Variants in CFHR4 observed in about 807,000 individuals in gnomAD.
The protein encoded by CFHR4 is complement factor H-related protein 4.
Under a neutral mutation model 69.3 loss-of-function variants are expected in CFHR4, and 64 were observed. The ratio of observed to expected loss-of-function variants is 0.92; its 90% confidence interval spans 0.76 to 1.14. CFHR4 has a LOEUF of 1.14. CFHR4 is among the 50% of genes most tolerant of loss of function. The pLI, the probability that CFHR4 is intolerant of heterozygous loss-of-function variation, is 0.00. For synonymous variants in CFHR4, 244 were observed against 237.0 expected, an observed-to-expected ratio of 1.03 and a Z score of -0.27; for missense variants, 636 against 684.9, an observed-to-expected ratio of 0.93 and a Z score of 0.80.
intron 1 of CFHR4, among the ~76,000 whole-genome samples, chr1:196,889,764 G>C (rs1656919474): frequency 6.8e-6 from 1 of 146,888 alleles, no homozygotes; most frequent in Non-Finnish European, 1.5e-5. Flanking sequence ...GAATGTGACT[G>C]CATTTGAAGA....
At chr1:196,914,890 G>A (rs1331886780) in intron 8 of CFHR4, 66 bp from the exon 9 acceptor site, 2 of 1,547,508 alleles carry the variant, frequency 1.3e-6, no homozygotes, top group African/African-American at 2.8e-5. Flanking sequence ...TATATAAAAA[G>A]CTTTATTTAG....
Position 196,914,489 on chromosome 1 carries a change from T to C in CFHR4, c.1181-6T>C. The C allele has an allele frequency of 6.2e-7, 1 of 1,604,394 alleles. No homozygotes were observed. Among genetic ancestry groups the C allele is most frequent in the Admixed American group, 1.7e-5 (1 of 58,810 alleles). ...AAAAGCAATCCTCAATTTTATTTTG[T>C]TTCAGAATTTTGTGATATGCCTGTT... On this transcript the variant is annotated splice_region_variant and splice_polypyrimidine_tract_variant and intron_variant, in intron 7 of 9. Coordinates refer to ENST00000608469, the MANE Select transcript of CFHR4 (RefSeq NM_001201550.3).
intron 9 of CFHR4, among the ~76,000 whole-genome samples, chr1:196,916,369 T>G (rs1056882727): frequency 2.6e-5 from 4 of 151,962 alleles, no homozygotes; most frequent in African/African-American, 9.7e-5. Flanking sequence ...CATGAGTTTT[T>G]CAAGTGCTCA....
intron 1 of CFHR4, among the ~76,000 whole-genome samples, chr1:196,899,646 T>G (rs1458039644): frequency 1.3e-5 from 2 of 151,552 alleles, no homozygotes; most frequent in Non-Finnish European, 1.5e-5. Flanking sequence ...GAAACCAATT[T>G]CACTGTGCAT....
chr1:196,918,595 T>G lies in CFHR4; in HGVS notation c.*189T>G, dbSNP rs1658793665. On this transcript the variant is annotated 3_prime_UTR_variant, in exon 10 of 10. Coordinates refer to ENST00000608469, the MANE Select transcript of CFHR4 (RefSeq NM_001201550.3). Reference sequence around the variant, plus strand: ...TTAAAACAAACTAAATTATTGCTTATGCTTGTACTAAAATAATAAAAACTA... The same window carrying G: ...TTAAAACAAACTAAATTATTGCTTAGGCTTGTACTAAAATAATAAAAACTA... 1.7e-6 allele frequency: 1 copy of G among 575,182 alleles called. No individual in the cohort carries two copies. Among genetic ancestry groups the G allele is most frequent in the Admixed American group, 3.2e-5 (1 of 31,304 alleles). 35.6% of individuals were successfully genotyped at this position (575,182 alleles called of 1,614,324 possible).
At chr1:196,907,839 G>A (rs911073332) in intron 5 of CFHR4, among the ~76,000 whole-genome samples, 2 of 151,150 alleles carry the variant, frequency 1.3e-5, no homozygotes, top group African/African-American at 2.4e-5. Flanking sequence ...TAATACTTAG[G>A]TAAACAGTTT....
chr1:196,888,273 T>C (rs1656833642), intron 1 of CFHR4, 65 bp downstream of exon 1: 1 of 1,485,938 alleles, frequency 6.7e-7, no homozygotes, highest in African/African-American at 1.4e-5. Context: ...AATATCTAAC[T>C]TCATATGTCT....
intron 7 of CFHR4, 87 bp downstream of exon 7, chr1:196,913,009 A>C (rs1481934199): frequency 2.2e-5 from 35 of 1,596,984 alleles, no homozygotes; most frequent in Middle Eastern, 1.7e-4. Context: ...AATATAGAAA[A>C]CACTTTTAGG....
chr1:196,901,362 A>G (rs1437056775), intron 1 of CFHR4, among the ~76,000 whole-genome samples: 1 of 151,472 alleles, frequency 6.6e-6, no homozygotes, highest in Non-Finnish European at 1.5e-5. Flanking sequence ...TACTTAAGAG[A>G]TGCAAGAATT....
At chr1:196,898,221 G>A (rs1657414135) in intron 1 of CFHR4, among the ~76,000 whole-genome samples, 1 of 151,494 alleles carries the variant, frequency 6.6e-6, no homozygotes, top group Non-Finnish European at 1.5e-5. Context: ...TCATATGTGA[G>A]TTTATAGATG....
At chr1:196,908,252 T>C (rs1396077256) in intron 5 of CFHR4, among the ~76,000 whole-genome samples, 1 of 151,180 alleles carries the variant, frequency 6.6e-6, no homozygotes, top group Non-Finnish European at 1.5e-5. Flanking sequence ...GCACATGTAT[T>C]CCTATGTAAA....
At chr1:196,912,628 T>C in intron 6 of CFHR4, 112 bp from the exon 7 acceptor site, 2 of 1,236,752 alleles carry the variant, frequency 1.6e-6, no homozygotes, top group South Asian at 1.7e-5. Flanking sequence ...TGTTTTCAAT[T>C]CATTAACAAA....
At chr1:196,912,061 A>G (rs1265945159) in intron 6 of CFHR4, among the ~76,000 whole-genome samples, 2 of 151,418 alleles carry the variant, frequency 1.3e-5, no homozygotes, top group Non-Finnish European at 2.9e-5. Context: ...AAACATATAC[A>G]TTACTAAAAT....
rs1244096578 is a variant in CFHR4, at chr1:196,902,931, C to T, written c.256+316C>T. On this transcript the variant is annotated intron_variant, in intron 2 of 9. Transcript: ENST00000608469. ...CTTTAGTTTTTCTTGAGTCATACAT[C>T]ATTTTCAGTATTGATGCAGTCTTAT... 2.6e-5 allele frequency among the ~76,000 whole-genome samples: 4 copies of T among 151,456 alleles called. 1 individual carries two copies. Among genetic ancestry groups the T allele is most frequent in the African/African-American group, 7.3e-5 (3 of 41,048 alleles).
rs116119247 is a variant in CFHR4, at chr1:196,907,398, G to A, written c.699G>A (p.Trp233Ter). The change falls in exon 5 of 10, where the codon TGG (tryptophan) becomes TGA (stop). Residue 233 changes from tryptophan to a stop codon, truncating the protein, a stop_gained. Coordinates refer to ENST00000608469, the MANE Select transcript of CFHR4 (RefSeq NM_001201550.3). LOFTEE classifies it high-confidence loss of function. ...TSFPQKVYLP[W>*]SRVEYQCQSY... ...TCCCGCAAAAAGTGTATCTGCCATGGTCAAGAGTCGAGTACCAGTGCCAGT... is the reference window on the plus strand; with the variant it reads ...TCCCGCAAAAAGTGTATCTGCCATGATCAAGAGTCGAGTACCAGTGCCAGT... The A allele has an allele frequency of 1.2e-6, 2 of 1,611,844 alleles. No homozygotes were observed. The highest frequency in any genetic ancestry group is 1.1e-5 in the South Asian group (1 of 91,020).
At chr1:196,892,487 AT>A (rs1274947987) in intron 1 of CFHR4, among the ~76,000 whole-genome samples, 4 of 151,378 alleles carry the variant, frequency 2.6e-5, no homozygotes, top group Non-Finnish European at 5.9e-5. Context: ...AGTTCAGTTA[AT>A]TTTGAGAGAG....
Position 196,912,862 on chromosome 1 carries a change from A to C in CFHR4, c.1120A>C (p.Asn374His). The change falls in exon 7 of 10, where the codon AAT (asparagine) becomes CAT (histidine). Residue 374 changes from asparagine to histidine, a missense_variant. Physicochemically the swap from Asn to His is moderately conservative, Grantham distance 68. Coordinates refer to ENST00000608469, the MANE Select transcript of CFHR4 (RefSeq NM_001201550.3). ...ACCAGGATATGCAACAGCAGATGGA[A>C]ATTCTTCAGGTTCAATTACATGTTT... Reference protein sequence around the residue: ...CKPGYATADGNSSGSITCLQN... With the variant: ...CKPGYATADGHSSGSITCLQN... 6.2e-7 allele frequency: 1 copy of C among 1,611,450 alleles called. No individual in the cohort carries two copies. Among genetic ancestry groups the C allele is most frequent in the Non-Finnish European group, 8.5e-7 (1 of 1,178,862 alleles).
At chr1:196,907,684 G>C (rs1657990675) in intron 5 of CFHR4, among the ~76,000 whole-genome samples, 186 bp downstream of exon 5, 2 of 151,372 alleles carry the variant, frequency 1.3e-5, no homozygotes, top group African/African-American at 4.9e-5. Flanking sequence ...TGTAAACAAT[G>C]ACAAAGTTTC....
chr1:196,893,088 G>T (rs553487604), intron 1 of CFHR4, among the ~76,000 whole-genome samples: 3 of 151,610 alleles, frequency 2.0e-5, no homozygotes, highest in Non-Finnish European at 4.4e-5. Flanking sequence ...CCACCAAATA[G>T]CATATCTGTA....
Sources: allele counts gnomAD v4.1 joint callset (sites outside exome capture counted in the v4.1 genomes callset), GRCh38; gene constraint gnomAD v4.1.1; transcripts MANE v1.5; gene names NCBI Gene and HGNC (gene_info 2026-07-23, HGNC 2026-07-21).